PMP22: variants seen among roughly 807,000 people sequenced by gnomAD.
The protein encoded by PMP22 is peripheral myelin protein 22.
PMP22 carries 2 observed loss-of-function variants against 18.9 expected under a neutral mutation model. That is an observed-to-expected ratio of 0.11 (90% CI 0.04 to 0.33). The LOEUF (loss-of-function observed/expected upper bound fraction) is 0.33. Among genes scored for constraint, PMP22 ranks in the 10% least tolerant of loss-of-function variants. The probability of loss-of-function intolerance (pLI) is 1.00; values close to 1 mark genes in which losing one functional copy is unlikely to be tolerated. For missense variants in PMP22, 169 were observed against 202.2 expected (o/e 0.84, Z 1.00); for synonymous variants, 95 against 89.2 (o/e 1.07, Z -0.37).
chr17:15,238,665 G>A (rs1386056958), intron 4 of PMP22, among the ~76,000 whole-genome samples: 2 of 147,836 alleles, frequency 1.4e-5, no homozygotes, highest in Non-Finnish European at 3.0e-5. Context: ...AATGCAAGAT[G>A]TAAGATGTAA....
rs1032923693 is a variant in PMP22, at chr17:15,260,973, G to C, written c.-34-212C>G. 1.6e-5 allele frequency: 5 copies of C among 322,502 alleles called. No homozygotes were observed. The Admixed American group carries it at 2.6e-4, about 17-fold the overall frequency. 20.0% of individuals were successfully genotyped at this position (322,502 alleles called of 1,614,324 possible). A position where few individuals can be genotyped will look rare whatever the true frequency, so the allele number is the denominator to read the frequency against. ...ACCAGCGCCCAGTGCCCAGCGCCCA[G>C]CCGGGCCCGCCTGCAACGGAACATC... On this transcript the variant is annotated intron_variant, in intron 1 of 4. Coordinates refer to ENST00000312280, the MANE Select transcript of PMP22 (RefSeq NM_000304.4).
intron 1 of PMP22, among the ~76,000 whole-genome samples, chr17:15,262,047 C>T (rs987074270): frequency 2.6e-5 from 4 of 152,278 alleles, no homozygotes; most frequent in African/African-American, 9.6e-5. Flanking sequence ...TGAATTAAGC[C>T]GATGGCAGGA....
At chr17:15,253,058 C>T (rs1567714045) in intron 3 of PMP22, among the ~76,000 whole-genome samples, 2 of 152,238 alleles carry the variant, frequency 1.3e-5, no homozygotes, top group Non-Finnish European at 2.9e-5. Flanking sequence ...AATAGCAGGG[C>T]AAATGTTTTG....
chr17:15,241,652 C>T (rs763963614), intron 3 of PMP22, among the ~76,000 whole-genome samples: 8 of 152,286 alleles, frequency 5.3e-5, no homozygotes, highest in African/African-American at 1.4e-4. Flanking sequence ...CAGAAAGTGT[C>T]TAATATTTAA....
At chr17:15,259,307 C>A in intron 2 of PMP22, 114 bp from the exon 3 acceptor site, 1 of 803,768 alleles carries the variant, frequency 1.2e-6, no homozygotes. Flanking sequence ...CTAGCCACAC[C>A]GCCCACCCCT....
chr17:15,251,286 T>G (rs1461924029), intron 3 of PMP22, among the ~76,000 whole-genome samples: 1 of 152,132 alleles, frequency 6.6e-6, no homozygotes, highest in African/African-American at 2.4e-5. Flanking sequence ...TCACCCTATT[T>G]GTTTCCTGCA....
At chr17:15,245,424 G>T (rs1435924206) in intron 3 of PMP22, among the ~76,000 whole-genome samples, 1 of 152,190 alleles carries the variant, frequency 6.6e-6, no homozygotes, top group South Asian at 2.1e-4. Flanking sequence ...GGACAGCCCA[G>T]GCAGGGCTGG....
At chr17:15,250,167 C>T (rs555576065) in intron 3 of PMP22, among the ~76,000 whole-genome samples, 1 of 152,320 alleles carries the variant, frequency 6.6e-6, no homozygotes, top group South Asian at 2.1e-4. Flanking sequence ...ATCCGCCCGC[C>T]TCAGCCTCCC....
At chr17:15,260,819 G>T in intron 1 of PMP22, 58 bp from the exon 2 acceptor site, 1 of 1,176,150 alleles carries the variant, frequency 8.5e-7, no homozygotes, top group Non-Finnish European at 1.2e-6. Flanking sequence ...ACGGAGGCGC[G>T]CGCAGAGGGA....
intron 4 of PMP22, chr17:15,232,755 C>G (rs1906466808): frequency 6.6e-6 from 1 of 152,226 alleles, no homozygotes. Flanking sequence ...GCCTCAGGAG[C>G]TGAGTGGACC....
At chr17:15,254,752 G>A (rs975895798) in intron 3 of PMP22, among the ~76,000 whole-genome samples, 3 of 152,118 alleles carry the variant, frequency 2.0e-5, no homozygotes, top group African/African-American at 4.8e-5. Context: ...GAGGTCGGGA[G>A]TTCGAGACCA....
Position 15,259,138 on chromosome 17 carries a change from G to A in PMP22, c.134C>T (p.Ser45Phe), listed in dbSNP as rs1259742235. 9 of 1,613,978 alleles carry A rather than the reference G, an allele frequency of 5.6e-6. No individual in the cohort carries two copies. The highest frequency in any genetic ancestry group is 7.6e-6 in the Non-Finnish European group (9 of 1,179,928). Residue 45 changes from serine to phenylalanine, a missense_variant, in exon 3 of 5, where the codon TCT (serine) becomes TTT (phenylalanine). Ser to Phe is a radical substitution (Grantham distance 155, BLOSUM62 -2). Coordinates refer to ENST00000312280, the MANE Select transcript of PMP22 (RefSeq NM_000304.4). ...ATDLWQNCST[S>F]SSGNVHHCFS... ...ACAGTGGTGGACATTTCCTGAGGAA[G>A]AGGTGCTACAGTTCTGCCAGAGATC...
At chr17:15,243,916 T>G (rs1345161365) in intron 3 of PMP22, among the ~76,000 whole-genome samples, 1 of 151,822 alleles carries the variant, frequency 6.6e-6, no homozygotes, top group Admixed American at 6.6e-5. Flanking sequence ...TGGGATGGAA[T>G]AAGACTTTGG....
chr17:15,253,971 G>A lies in PMP22; in HGVS notation c.178+5123C>T, dbSNP rs536191663. Reference sequence around the variant, plus strand: ...GCACCTGCAATAGTCTCTGGTACACGAGAGTTGTTCAAGAAATAGTCCTGC... The same window carrying A: ...GCACCTGCAATAGTCTCTGGTACACAAGAGTTGTTCAAGAAATAGTCCTGC... On this transcript the variant is annotated intron_variant, in intron 3 of 4. Coordinates refer to ENST00000312280, the MANE Select transcript of PMP22 (RefSeq NM_000304.4). Among the ~76,000 whole-genome samples, 5 of 152,294 alleles carry A rather than the reference G, an allele frequency of 3.3e-5. No homozygotes were observed. In the South Asian group the frequency reaches 8.3e-4, roughly 25 times the overall value.
At position 15,229,806 on chromosome 17, in the gene PMP22, C is replaced by A. The variant is rs7415; in HGVS notation, c.*1111G>T. On this transcript the variant is annotated 3_prime_UTR_variant, in exon 5 of 5. Coordinates refer to ENST00000312280, the MANE Select transcript of PMP22 (RefSeq NM_000304.4). ...AGTTACTCTGATGTTTATTTTAATG[C>A]ATCTTAGTCCACACAGTTGGTATAA... 7,080 of 152,664 alleles carry A rather than the reference C, an allele frequency of 0.046. 402 individuals carry two copies. Among genetic ancestry groups the A allele is most frequent in the East Asian group, 0.16 (805 of 5,184 alleles). 9.5% of individuals were successfully genotyped at this position (152,664 alleles called of 1,614,324 possible). A position where few individuals can be genotyped will look rare whatever the true frequency, so the allele number is the denominator to read the frequency against.
At chr17:15,260,343 G>GA (rs375490152) in intron 2 of PMP22, 7,113 of 389,968 alleles carry the variant, frequency 0.018, no homozygotes, top group South Asian at 0.025. Context: ...GCTGCATCAA[G>GA]AAAAAAAAAA....
intron 3 of PMP22, among the ~76,000 whole-genome samples, chr17:15,246,705 C>G (rs182488594): frequency 6.6e-6 from 1 of 152,366 alleles, no homozygotes; most frequent in African/African-American, 2.4e-5. Flanking sequence ...TGGAGGCCTG[C>G]TAAACATTTG....
chr17:15,243,417 A>G (rs1907519843), intron 3 of PMP22, among the ~76,000 whole-genome samples: 1 of 151,930 alleles, frequency 6.6e-6, no homozygotes. Context: ...AAAAAAATCA[A>G]TTAAAAATTC....
rs9903392 is a variant in PMP22 at position 15,243,723 on chromosome 17, T to C, written c.179-4112A>G. On this transcript the variant is annotated intron_variant, in intron 3 of 4. Coordinates refer to ENST00000312280, the MANE Select transcript of PMP22 (RefSeq NM_000304.4). ...TAGAACATATCATAGAAGTATGATA[T>C]ATAATTATATAATATATAATTATAG... Among the ~76,000 whole-genome samples, 183 of 148,170 alleles carry C rather than the reference T, an allele frequency of 1.2e-3. 1 individual carries two copies. Among genetic ancestry groups the C allele is most frequent in the African/African-American group, 4.3e-3 (176 of 40,878 alleles).
Sources: allele counts gnomAD v4.1 joint callset (sites outside exome capture counted in the v4.1 genomes callset), GRCh38; gene constraint gnomAD v4.1.1; transcripts MANE v1.5; gene names NCBI Gene and HGNC (gene_info 2026-07-23, HGNC 2026-07-21).